XPO6: variants seen among roughly 807,000 people sequenced by gnomAD.
XPO6 encodes the protein exportin 6, also known as exportin-6.
XPO6 carries 3 observed loss-of-function variants against 130.0 expected under a neutral mutation model. The ratio of observed to expected loss-of-function variants is 0.02; its 90% confidence interval spans 0.01 to 0.06. The LOEUF is 0.06. Ranked by LOEUF, XPO6 falls within the 10% of genes least tolerant of loss-of-function variation. XPO6 has a pLI of 1.00. For synonymous variants in XPO6, 524 were observed against 548.9 expected, an observed-to-expected ratio of 0.95 and a Z score of 0.63; for missense variants, 970 against 1,393.0, an observed-to-expected ratio of 0.70 and a Z score of 4.83.
rs1415920480 is a variant in XPO6, at chr16:28,111,900, C to T, written c.2258G>A (p.Ser753Asn). ...QWPVRSINHA[S>N]LISALSRDYR... ...GTCCCGGGAGAGTGCAGAGATGAGG[C>T]TGGCGTGGTTGATGGAGCGCACGGG... is the stretch of plus-strand genomic sequence containing the variant. Residue 753 changes from serine to asparagine, a missense_variant, in exon 17 of 24, where the codon AGC becomes AAC. Ser to Asn is a conservative substitution (Grantham distance 46). Coordinates refer to ENST00000304658, the MANE Select transcript of XPO6 (RefSeq NM_015171.4). 2 of 1,614,070 alleles carry T rather than the reference C, an allele frequency of 1.2e-6. No individual in the cohort carries two copies. The highest frequency in any genetic ancestry group is 1.7e-6 in the Non-Finnish European group (2 of 1,180,042).
At chr16:28,149,122 C>G (rs367861438) in intron 8 of XPO6, among the ~76,000 whole-genome samples, 15 of 151,272 alleles carry the variant, frequency 9.9e-5, no homozygotes, top group African/African-American at 2.9e-4. Flanking sequence ...CCCTCCCCCC[C>G]AGGGTATACC....
intron 2 of XPO6, among the ~76,000 whole-genome samples, chr16:28,177,634 T>C (rs2043553344): frequency 1.3e-5 from 2 of 152,182 alleles, no homozygotes; most frequent in Admixed American, 6.5e-5. Flanking sequence ...GGCTGGAATG[T>C]TCTAAGAGTA....
At chr16:28,204,816 C>G (rs139179683) in intron 1 of XPO6, among the ~76,000 whole-genome samples, 1 of 152,182 alleles carries the variant, frequency 6.6e-6, no homozygotes, top group Non-Finnish European at 1.5e-5. Context: ...ACACTACTGA[C>G]AGATCCAGTA....
At chr16:28,151,301 A>G (rs1259001819) in intron 8 of XPO6, among the ~76,000 whole-genome samples, 1 of 152,248 alleles carries the variant, frequency 6.6e-6, no homozygotes, top group Non-Finnish European at 1.5e-5. Context: ...ACGTACAAGA[A>G]TGTTCACTGC....
chr16:28,135,161 T>C, intron 10 of XPO6, 55 bp downstream of exon 10: 1 of 1,467,284 alleles, frequency 6.8e-7, no homozygotes, highest in Non-Finnish European at 9.5e-7. Flanking sequence ...GTCCCCATTC[T>C]GATTGATGTC....
At chr16:28,136,407 A>G (rs1354385595) in intron 9 of XPO6, among the ~76,000 whole-genome samples, 1 of 152,102 alleles carries the variant, frequency 6.6e-6, no homozygotes, top group African/African-American at 2.4e-5. Flanking sequence ...TTTAGTAGAG[A>G]CAGGATTTCG....
intron 15 of XPO6, among the ~76,000 whole-genome samples, chr16:28,116,335 G>A (rs1056840727): frequency 2.0e-5 from 3 of 152,096 alleles, no homozygotes; most frequent in African/African-American, 7.2e-5. Flanking sequence ...GGCGGCAGGC[G>A]CCAGTAGTCC....
intron 15 of XPO6, 73 bp downstream of exon 15, chr16:28,117,245 T>C (rs892122013): frequency 8.3e-6 from 13 of 1,570,538 alleles, no homozygotes; most frequent in Non-Finnish European, 1.1e-5. Context: ...TTAGATTTTC[T>C]AGTAAATGGG....
chr16:28,133,984 C>T, intron 10 of XPO6, 51 bp from the exon 11 acceptor site: 2 of 1,583,162 alleles, frequency 1.3e-6, no homozygotes, highest in Non-Finnish European at 1.7e-6. Context: ...TCTCATCTTC[C>T]TTGCCAACCT....
At chr16:28,100,393 G>GA (rs1195320771) in intron 23 of XPO6, among the ~76,000 whole-genome samples, 1 of 152,180 alleles carries the variant, frequency 6.6e-6, no homozygotes, top group Non-Finnish European at 1.5e-5. Context: ...CTAGAAAAAG[G>GA]AAAAAACATA....
intron 1 of XPO6, among the ~76,000 whole-genome samples, chr16:28,193,469 C>T (rs1454029570): frequency 6.6e-6 from 1 of 152,128 alleles, no homozygotes; most frequent in Non-Finnish European, 1.5e-5. Flanking sequence ...TTCATGTGCC[C>T]GGGTTCCACT....
At position 28,177,435 on chromosome 16, in the gene XPO6, T is replaced by G. The variant is rs1036498397; in HGVS notation, c.95-103A>C. ...TTTAAACATGTCTCTCTGCATATAA[T>G]GTAAATGATGTCAAAACCAGCGGAT... On this transcript the variant is annotated intron_variant, in intron 2 of 23. Transcript: ENST00000304658. The G allele has an allele frequency of 6.5e-5, 40 of 611,098 alleles. 1 individual carries two copies. The highest frequency in any genetic ancestry group is 8.6e-5 in the Non-Finnish European group (30 of 346,948). 37.9% of individuals were successfully genotyped at this position (611,098 alleles called of 1,614,324 possible).
At chr16:28,146,041 T>C (rs985714938) in intron 9 of XPO6, 53 bp downstream of exon 9, 2 of 1,429,800 alleles carry the variant, frequency 1.4e-6, no homozygotes, top group African/African-American at 1.4e-5. Flanking sequence ...CTTAGGCCAC[T>C]AGAATAACTG....
chr16:28,109,475 AC>A (rs1273700888), intron 17 of XPO6, among the ~76,000 whole-genome samples: 4 of 151,868 alleles, frequency 2.6e-5, no homozygotes, highest in Admixed American at 2.0e-4. Flanking sequence ...GGCAGGCCCT[AC>A]TCCCAACAGG....
At chr16:28,100,860 G>A (rs1357588798) in intron 23 of XPO6, among the ~76,000 whole-genome samples, 3 of 152,138 alleles carry the variant, frequency 2.0e-5, no homozygotes, top group South Asian at 2.1e-4. Context: ...AGCTCCCACC[G>A]AGGTGCTGCA....
chr16:28,187,785 ATC>A (rs1477152793), intron 1 of XPO6, among the ~76,000 whole-genome samples: 6 of 151,430 alleles, frequency 4.0e-5, no homozygotes, highest in African/African-American at 1.5e-4. Context: ...AACTGTTGGT[ATC>A]ACTTTCAGTT....
chr16:28,113,969 T>TAA (rs368770252), intron 15 of XPO6, among the ~76,000 whole-genome samples: 15 of 152,156 alleles, frequency 9.9e-5, no homozygotes, highest in African/African-American at 3.4e-4. Flanking sequence ...TATAAAATGT[T>TAA]ATGTATGACT....
At chr16:28,180,878 C>G in intron 2 of XPO6, 63 bp downstream of exon 2, 1 of 1,379,538 alleles carries the variant, frequency 7.2e-7, no homozygotes, top group East Asian at 2.4e-5. Context: ...ACGAACAACT[C>G]CTTCCTCCCT....
chr16:28,154,521 A>G (rs2043151256), intron 7 of XPO6: 1 of 158,874 alleles, frequency 6.3e-6, no homozygotes. Context: ...GAATGGACTG[A>G]GCTGTTTAGA....
Sources: allele counts gnomAD v4.1 joint callset (sites outside exome capture counted in the v4.1 genomes callset), GRCh38; gene constraint gnomAD v4.1.1; transcripts MANE v1.5; gene names NCBI Gene and HGNC (gene_info 2026-07-23, HGNC 2026-07-21).